Variants in AGBL4 observed in about 807,000 individuals in gnomAD.
AGBL4 encodes AGBL carboxypeptidase 4.
A neutral mutation model predicts 66.4 loss-of-function variants in AGBL4; 58 were observed. The observed-to-expected ratio is 0.87, with a 90% CI of 0.71 to 1.09. The LOEUF is 1.09. Among genes scored for constraint, AGBL4 ranks in the 50% least tolerant of loss-of-function variants. The probability of loss-of-function intolerance (pLI) is 0.00; values close to 1 mark genes in which losing one functional copy is unlikely to be tolerated. For missense variants in AGBL4, 579 were observed against 631.0 expected (o/e 0.92, Z 0.88); for synonymous variants, 234 against 222.9 (o/e 1.05, Z -0.44).
intron 3 of AGBL4, among the ~76,000 whole-genome samples, chr1:49,566,571 C>G (rs1004275904): frequency 1.3e-5 from 2 of 152,146 alleles, no homozygotes; most frequent in African/African-American, 2.4e-5. Context: ...CACTCCAGAC[C>G]CTGTTTGCCT....
chr1:48,703,378 A>C (rs1646832490), intron 6 of AGBL4, among the ~76,000 whole-genome samples: 1 of 152,188 alleles, frequency 6.6e-6, no homozygotes, highest in Admixed American at 6.5e-5. Context: ...GATGAGGACA[A>C]ATTTGAGCAA....
chr1:49,736,750 A>G (rs1010756621), intron 2 of AGBL4, among the ~76,000 whole-genome samples: 14 of 152,150 alleles, frequency 9.2e-5, no homozygotes, highest in African/African-American at 3.4e-4. Flanking sequence ...ATGGGAGAAG[A>G]TACTTGCAAA....
Position 49,110,824 on chromosome 1 carries a change from A to T in AGBL4, c.378-65024T>A, listed in dbSNP as rs115762000. On this transcript the variant is annotated intron_variant, in intron 4 of 13. Transcript: ENST00000371839. ...ATGCTTATTCTTCAGTGACAATTCAATTCAGTCTACTCTTGATTTTCCTCC... is the reference window on the plus strand; with the variant it reads ...ATGCTTATTCTTCAGTGACAATTCATTTCAGTCTACTCTTGATTTTCCTCC... Among the ~76,000 whole-genome samples the T allele has an allele frequency of 5.1e-4, 78 of 152,262 alleles. 1 individual carries two copies. Among genetic ancestry groups the T allele is most frequent in the African/African-American group, 1.7e-3 (70 of 41,548 alleles).
chr1:49,897,007 C>A (rs1301643666), intron 1 of AGBL4, among the ~76,000 whole-genome samples: 1 of 151,844 alleles, frequency 6.6e-6, no homozygotes, highest in Non-Finnish European at 1.5e-5. Flanking sequence ...TAGTATCAAA[C>A]TTAATTTAAA....
At chr1:49,016,031 G>C (rs1662795649) in intron 5 of AGBL4, among the ~76,000 whole-genome samples, 1 of 151,984 alleles carries the variant, frequency 6.6e-6, no homozygotes. Context: ...CACTTCACAG[G>C]GCTGTTAATG....
chr1:49,144,160 C>T (rs1338884454), intron 4 of AGBL4, among the ~76,000 whole-genome samples: 1 of 152,132 alleles, frequency 6.6e-6, no homozygotes, highest in Non-Finnish European at 1.5e-5. Context: ...TTAACTTGCT[C>T]TATCCTAGAA....
chr1:49,972,813 C>T (rs1414688099), intron 1 of AGBL4, among the ~76,000 whole-genome samples: 1 of 152,136 alleles, frequency 6.6e-6, no homozygotes, highest in Non-Finnish European at 1.5e-5. Flanking sequence ...TCAATACTAT[C>T]CATGCTTCGG....
At chr1:49,323,427 G>A (rs1275971088) in intron 3 of AGBL4, among the ~76,000 whole-genome samples, 4 of 149,642 alleles carry the variant, frequency 2.7e-5, no homozygotes, top group Admixed American at 1.3e-4. Context: ...GACTACAGGC[G>A]CACGCCGCCA....
At chr1:49,358,398 A>G (rs1025776304) in intron 3 of AGBL4, among the ~76,000 whole-genome samples, 10 of 150,620 alleles carry the variant, frequency 6.6e-5, no homozygotes, top group African/African-American at 2.2e-4. Flanking sequence ...TAAAATGTAT[A>G]TAAGCACCAG....
At chr1:49,738,363 C>T (rs187186676) in intron 2 of AGBL4, among the ~76,000 whole-genome samples, 5 of 152,320 alleles carry the variant, frequency 3.3e-5, no homozygotes, top group East Asian at 1.9e-4. Flanking sequence ...GGGGGAGGGG[C>T]GCTCACCATT....
chr1:48,926,576 G>A lies in AGBL4; in HGVS notation c.595-59346C>T, dbSNP rs377020003. On this transcript the variant is annotated intron_variant, in intron 5 of 13. Coordinates refer to ENST00000371839, the MANE Select transcript of AGBL4 (RefSeq NM_032785.4). Reference sequence around the variant, plus strand: ...AGTGCTGGGATTACAGGTATGAGGCGTCACACCGGCCAACCATGGATGATT... The same window carrying A: ...AGTGCTGGGATTACAGGTATGAGGCATCACACCGGCCAACCATGGATGATT... Among the ~76,000 whole-genome samples, 72 of 151,914 alleles carry A rather than the reference G, an allele frequency of 4.7e-4. 1 individual carries two copies. In the South Asian group the frequency reaches 9.8e-3, roughly 21 times the overall value.
At chr1:48,861,701 C>A (rs1248491593) in intron 6 of AGBL4, among the ~76,000 whole-genome samples, 1 of 152,170 alleles carries the variant, frequency 6.6e-6, no homozygotes, top group African/African-American at 2.4e-5. Context: ...AATGCAACAA[C>A]TATCATCTAT....
chr1:48,703,577 T>A (rs1646836342), intron 6 of AGBL4, among the ~76,000 whole-genome samples: 1 of 152,156 alleles, frequency 6.6e-6, no homozygotes, highest in African/African-American at 2.4e-5. Flanking sequence ...AAGTATCTAC[T>A]TGAGTCAAAA....
intron 6 of AGBL4, among the ~76,000 whole-genome samples, chr1:48,846,610 C>G (rs1461873773): frequency 6.6e-6 from 1 of 152,152 alleles, no homozygotes; most frequent in Admixed American, 6.5e-5. Flanking sequence ...GCCCTTTCTC[C>G]TCTTGGGCTC....
intron 6 of AGBL4, among the ~76,000 whole-genome samples, chr1:48,865,642 A>G (rs10888630): frequency 0.9 from 137,261 of 152,126 alleles, 62,294 homozygotes; most frequent in Non-Finnish European, 0.96. Flanking sequence ...GTAATTAGGA[A>G]CAGAAAGAGG....
intron 11 of AGBL4, among the ~76,000 whole-genome samples, chr1:48,549,911 T>C (rs1456158384): frequency 1.3e-5 from 2 of 151,822 alleles, no homozygotes; most frequent in Non-Finnish European, 2.9e-5. Flanking sequence ...GTAAATGAGA[T>C]GCATAAGACT....
chr1:49,881,831 G>A (rs1318713794), intron 1 of AGBL4, among the ~76,000 whole-genome samples: 3 of 151,596 alleles, frequency 2.0e-5, no homozygotes, highest in African/African-American at 7.3e-5. Flanking sequence ...CTCCCATTTT[G>A]TGGGTTGCCT....
intron 3 of AGBL4, among the ~76,000 whole-genome samples, chr1:49,566,180 G>A (rs1644199395): frequency 6.6e-6 from 1 of 152,062 alleles, no homozygotes; most frequent in Non-Finnish European, 1.5e-5. Context: ...CTCTGCATTG[G>A]TTATTCTAGT....
chr1:48,529,211 C>T (rs1192035104), downstream of AGBL4, among the ~76,000 whole-genome samples: 1 of 152,028 alleles, frequency 6.6e-6, no homozygotes, highest in Non-Finnish European at 1.5e-5. Context: ...ACACTCCTCT[C>T]ACTCTTGTCC....
Sources: gnomAD v4.1 joint callset for allele counts (sites outside exome capture counted in the v4.1 genomes callset) on GRCh38, gnomAD v4.1.1 for gene constraint, MANE v1.5 for transcripts, NCBI Gene and HGNC (gene_info 2026-07-23, HGNC 2026-07-21) for gene names.